The following CEP78 variants were observed in gnomAD, a reference collection of about 807,000 sequenced individuals.
CEP78 encodes centrosomal protein 78.
CEP78 carries 76 observed loss-of-function variants against 81.2 expected under a neutral mutation model. The observed-to-expected ratio is 0.94, with a 90% CI of 0.78 to 1.13. The LOEUF (loss-of-function observed/expected upper bound fraction) is 1.13, where lower values mean the gene tolerates loss of function less well. CEP78 is among the 50% of genes most tolerant of loss of function. The pLI is 0.00. For synonymous variants in CEP78, 293 were observed against 301.4 expected (o/e 0.97, Z 0.29); for missense variants, 918 against 846.8 (o/e 1.08, Z -1.04).
intron 11 of CEP78, among the ~76,000 whole-genome samples, chr9:78,260,077 T>C (rs1208765157): frequency 6.6e-6 from 1 of 152,222 alleles, no homozygotes; most frequent in Non-Finnish European, 1.5e-5. Context: ...TCTTGCACTT[T>C]AAGTGGGAAG....
chr9:78,255,877 C>T (rs1022085586), intron 11 of CEP78, among the ~76,000 whole-genome samples: 2 of 152,062 alleles, frequency 1.3e-5, no homozygotes, highest in African/African-American at 4.8e-5. Flanking sequence ...TATTTATTTT[C>T]TTCACCAGGG....
chr9:78,250,828 G>A (rs1433912286), intron 8 of CEP78, among the ~76,000 whole-genome samples: 1 of 152,074 alleles, frequency 6.6e-6, no homozygotes, highest in Non-Finnish European at 1.5e-5. Context: ...ATTAAAAACA[G>A]CACACAATGA....
intron 7 of CEP78, 61 bp from the exon 8 acceptor site, chr9:78,248,701 A>G: frequency 4.6e-6 from 4 of 876,970 alleles, no homozygotes; most frequent in Non-Finnish European, 7.1e-6. Flanking sequence ...ATTTCCATTT[A>G]AGATGTAGCC....
Position 78,240,008 on chromosome 9 carries a change from T to A in CEP78, c.254-15T>A. ...TATGATTGAAGTCACTAACTTTCTT[T>A]TATCTTTGTTTTAGGTTCTGACATG... is the stretch of plus-strand genomic sequence containing the variant. On this transcript the variant is annotated splice_polypyrimidine_tract_variant and intron_variant, in intron 1 of 16. Coordinates refer to ENST00000643273, the MANE Select transcript of CEP78 (RefSeq NM_001330691.3). 6.5e-7 allele frequency: 1 copy of A among 1,548,132 alleles called. No homozygotes were observed. Among genetic ancestry groups the A allele is most frequent in the Non-Finnish European group, 8.7e-7 (1 of 1,154,586 alleles).
At chr9:78,263,756 T>C (rs1443115390) in intron 12 of CEP78, among the ~76,000 whole-genome samples, 2 of 152,184 alleles carry the variant, frequency 1.3e-5, no homozygotes, top group African/African-American at 4.8e-5. Flanking sequence ...TTTAGGACTT[T>C]TAAATTTATA....
At chr9:78,245,656 T>C (rs1488017232) in intron 5 of CEP78, among the ~76,000 whole-genome samples, 1 of 152,236 alleles carries the variant, frequency 6.6e-6, no homozygotes, top group Non-Finnish European at 1.5e-5. Flanking sequence ...ACTTTTGTGA[T>C]AATCCTTTTG....
rs1046116052 is a variant in CEP78 at position 78,277,263 on chromosome 9, A to G, written c.*6412A>G. 4.6e-5 allele frequency: 7 copies of G among 152,132 alleles called. No homozygotes were observed. The highest frequency in any genetic ancestry group is 8.8e-5 in the Non-Finnish European group (6 of 67,998). The allele number at this position is 152,132 out of a possible 1,614,324, so 9.4% of individuals were successfully genotyped here. On this transcript the variant is annotated 3_prime_UTR_variant, in exon 17 of 17. Transcript: ENST00000643273. ...AAGGCATTCCCAACCAAGACACAAAACCCAGTAGCCATGAAAAAAAAGATA... is the reference window on the plus strand; with the variant it reads ...AAGGCATTCCCAACCAAGACACAAAGCCCAGTAGCCATGAAAAAAAAGATA...
In CEP78 at chr9:78,271,642, C is replaced by T. The variant is rs1827690129; in HGVS notation, c.*791C>T. The T allele has an allele frequency of 6.6e-6, 1 of 151,694 alleles. No homozygotes were observed. Among genetic ancestry groups the T allele is most frequent in the Admixed American group, 6.6e-5 (1 of 15,252 alleles). 9.4% of individuals were successfully genotyped at this position (151,694 alleles called of 1,614,324 possible). On this transcript the variant is annotated 3_prime_UTR_variant, in exon 17 of 17. Coordinates refer to ENST00000643273, the MANE Select transcript of CEP78 (RefSeq NM_001330691.3). ...AGCAACTTAATTACTTAGAAAAAAT[C>T]TTTCTCAGAGTAACTAAGCAAAATG...
At chr9:78,247,372 C>G (rs2118230190) in intron 6 of CEP78, among the ~76,000 whole-genome samples, 1 of 152,212 alleles carries the variant, frequency 6.6e-6, no homozygotes, top group African/African-American at 2.4e-5. Context: ...GTGGAAGATG[C>G]AGATAAAGTA....
At chr9:78,243,947 A>G (rs1249041755) in intron 5 of CEP78, among the ~76,000 whole-genome samples, 4 of 151,968 alleles carry the variant, frequency 2.6e-5, no homozygotes, top group Admixed American at 2.6e-4. Flanking sequence ...ACAGAACTAT[A>G]GTGCACTTAC....
intron 11 of CEP78, among the ~76,000 whole-genome samples, chr9:78,260,551 C>T (rs552371352): frequency 1.2e-3 from 187 of 151,820 alleles, no homozygotes; most frequent in African/African-American, 4.4e-3. Context: ...ACTAAAAATA[C>T]AAAAAATTAG....
Position 78,266,675 on chromosome 9 carries a change from ATCT to A in CEP78, c.2085_2087del (p.Ser696del), listed in dbSNP as rs1827554403. On this transcript the variant is annotated inframe_deletion, in exon 16 of 17. Transcript: ENST00000643273. ...AAGAGGAGTTGTCCAGAAATAGCAG[ATCT>A]TCTTCAGAGAAAAAGACCAAAACAG... is the stretch of plus-strand genomic sequence containing the variant. 2 of 1,612,298 alleles carry A rather than the reference ATCT, an allele frequency of 1.2e-6. No individual in the cohort carries two copies. Among genetic ancestry groups the A allele is most frequent in the South Asian group, 2.2e-5 (2 of 90,664 alleles).
chr9:78,265,664 G>C, intron 14 of CEP78, 121 bp downstream of exon 14: 2 of 956,066 alleles, frequency 2.1e-6, no homozygotes, highest in Non-Finnish European at 3.1e-6. Context: ...GCATCTTTGG[G>C]GTCCTTTCCA....
rs371062610 is a variant in CEP78, at chr9:78,243,472, T to C, written c.614T>C (p.Met205Thr). 2.8e-5 allele frequency: 45 copies of C among 1,612,672 alleles called. No homozygotes were observed. Among genetic ancestry groups the C allele is most frequent in the Non-Finnish European group, 3.6e-5 (43 of 1,179,392 alleles). The change falls in exon 5 of 17, where the codon ATG becomes ACG. Residue 205 changes from methionine to threonine, a missense_variant. By Grantham distance (81) the Met-to-Thr change is moderately conservative. Coordinates refer to ENST00000643273, the MANE Select transcript of CEP78 (RefSeq NM_001330691.3). ...ATTAAATCTTTGAAGTATCAGACCA[T>C]GAGAAGGCATGAAGAAACCTGGGCT... ...HMAKILKYQT[M>T]RRHEETWAES...
chr9:78,250,400 T>G, intron 8 of CEP78: 1 of 392,830 alleles, frequency 2.5e-6, no homozygotes, highest in Non-Finnish European at 4.5e-6. Context: ...CTTTATAATT[T>G]TTTTCATCTA....
chr9:78,238,911 C>A (rs542439366), intron 1 of CEP78, among the ~76,000 whole-genome samples: 7 of 151,958 alleles, frequency 4.6e-5, no homozygotes, highest in Non-Finnish European at 7.4e-5. Context: ...ATCTCTTGAG[C>A]CCGGGAGGTT....
chr9:78,263,947 C>G, intron 12 of CEP78: 1 of 317,572 alleles, frequency 3.1e-6, no homozygotes, highest in East Asian at 5.3e-5. Context: ...TAATGAAATA[C>G]TATTTATATT....
chr9:78,254,855 CTG>C lies in CEP78; in HGVS notation c.1274_1275del (p.Val425AspfsTer9). 6.2e-7 allele frequency: 1 copy of C among 1,610,434 alleles called. No individual in the cohort carries two copies. Among genetic ancestry groups the C allele is most frequent in the Non-Finnish European group, 8.5e-7 (1 of 1,177,818 alleles). The stretch of plus-strand genomic sequence containing the variant: ...TTTAAGCAACCAGGTTTTCCTGTGA[CTG>C]TGACAGTAGAGAGTCCTTCATCCTC... On this transcript the variant is annotated frameshift_variant, in exon 11 of 17. Transcript: ENST00000643273. LOFTEE classifies it high-confidence loss of function.
At chr9:78,247,921 T>A (rs1826572644) in intron 6 of CEP78, among the ~76,000 whole-genome samples, 1 of 152,106 alleles carries the variant, frequency 6.6e-6, no homozygotes, top group African/African-American at 2.4e-5. Flanking sequence ...AAGAGCAGCT[T>A]TGGGGGCGCA....
Sources: gnomAD v4.1 joint callset for allele counts (sites outside exome capture counted in the v4.1 genomes callset) on GRCh38, gnomAD v4.1.1 for gene constraint, MANE v1.5 for transcripts, NCBI Gene and HGNC (gene_info 2026-07-23, HGNC 2026-07-21) for gene names.